GRID1: variants seen among roughly 807,000 people sequenced by gnomAD.
GRID1 encodes glutamate receptor ionotropic, delta-1.
GRID1 carries 28 observed loss-of-function variants against 98.0 expected under a neutral mutation model. The observed-to-expected ratio is 0.29, with a 90% CI of 0.21 to 0.39. The LOEUF (loss-of-function observed/expected upper bound fraction) is 0.39. Among genes scored for constraint, GRID1 ranks in the 10% least tolerant of loss-of-function variants. The pLI is 1.00. For synonymous variants in GRID1, 553 were observed against 538.5 expected, an observed-to-expected ratio of 1.03 and a Z score of -0.37; for missense variants, 1,111 against 1,340.5, an observed-to-expected ratio of 0.83 and a Z score of 2.67.
intron 4 of GRID1, among the ~76,000 whole-genome samples, chr10:86,107,126 G>C (rs921817776): frequency 6.6e-6 from 1 of 152,216 alleles, no homozygotes; most frequent in Non-Finnish European, 1.5e-5. Flanking sequence ...GCCCAGCCTG[G>C]AACCCAGATA....
chr10:86,195,282 T>C lies in GRID1; in HGVS notation c.520+11082A>G, dbSNP rs1845856600. On this transcript the variant is annotated intron_variant, in intron 3 of 15. Transcript: ENST00000327946. This position sits in a 1 kb window ranked among gnomAD's most constrained non-coding sequence, Gnocchi z 4.4. ...GTTGAGCTGGAATTGCCATCCATTC[T>C]GTCCTTCATGGTCTCCTGTAGAGAT... 6.6e-6 allele frequency among the ~76,000 whole-genome samples: 1 copy of C among 152,120 alleles called. No homozygotes were observed. The highest frequency in any genetic ancestry group is 1.5e-5 in the Non-Finnish European group (1 of 67,974).
intron 4 of GRID1, among the ~76,000 whole-genome samples, chr10:86,115,353 GA>G (rs1056099629): frequency 6.7e-6 from 1 of 149,998 alleles, no homozygotes; most frequent in African/African-American, 2.5e-5. Flanking sequence ...AACAATAGAT[GA>G]ATGAATGAAT....
At chr10:85,898,250 A>T (rs1841322753) in intron 5 of GRID1, among the ~76,000 whole-genome samples, 1 of 152,244 alleles carries the variant, frequency 6.6e-6, no homozygotes, top group African/African-American at 2.4e-5. Context: ...AAAATTGTAC[A>T]ACTGTATAGG....
chr10:86,304,430 G>A (rs933130166), intron 2 of GRID1, among the ~76,000 whole-genome samples: 3 of 152,228 alleles, frequency 2.0e-5, no homozygotes, highest in African/African-American at 7.2e-5. Context: ...CCCTGGCTCT[G>A]CTGCTGGGGT....
intron 12 of GRID1, among the ~76,000 whole-genome samples, chr10:85,720,632 A>G (rs1297055082): frequency 1.4e-5 from 2 of 143,976 alleles, no homozygotes; most frequent in Admixed American, 6.8e-5. Context: ...AAACAAACAG[A>G]CAAAAAAAAA....
chr10:86,067,258 A>T (rs557164701), intron 4 of GRID1, among the ~76,000 whole-genome samples: 5 of 152,284 alleles, frequency 3.3e-5, no homozygotes, highest in African/African-American at 1.2e-4. Flanking sequence ...CGCGCTCTGC[A>T]TGCACGCTGG....
chr10:86,062,037 T>C (rs927876917), intron 4 of GRID1, among the ~76,000 whole-genome samples: 11 of 152,168 alleles, frequency 7.2e-5, no homozygotes, highest in Non-Finnish European at 1.5e-4. Flanking sequence ...TGAGCGACAA[T>C]CCTGGCTTTC....
chr10:86,236,917 G>C (rs918682172), intron 2 of GRID1, among the ~76,000 whole-genome samples: 3 of 152,196 alleles, frequency 2.0e-5, no homozygotes, highest in East Asian at 1.9e-4. Flanking sequence ...CACTCTGGGG[G>C]CCAGGCCATG....
rs1199012853 is a variant in GRID1 at position 85,660,191 on chromosome 10, G to A, written c.1998-12794C>T. Among the ~76,000 whole-genome samples the A allele has an allele frequency of 3.9e-5, 6 of 152,240 alleles. No individual in the cohort carries two copies. The East Asian group carries it at 1.2e-3, about 29-fold the overall frequency. On this transcript the variant is annotated intron_variant, in intron 12 of 15. Transcript: ENST00000327946. ...TCTGCTGCAGGTGCCTGCAATGCCT[G>A]GGGGGCATCAATGGGAGCCCACCTA...
rs112189287 is a variant in GRID1 at position 85,887,903 on chromosome 10, C to T, written c.781-18723G>A. ...CCTTTGATGCCCATCAAAGACCTGC[C>T]TCTACCTGGCCTCCATGCAAGCCAG... On this transcript the variant is annotated intron_variant, in intron 5 of 15. Transcript: ENST00000327946. Among the ~76,000 whole-genome samples the T allele has an allele frequency of 5.8e-3, 879 of 152,264 alleles. 5 individuals are homozygous for T. Among genetic ancestry groups the T allele is most frequent in the African/African-American group, 0.02 (834 of 41,560 alleles).
chr10:86,261,700 CCAG>C (rs1470651146), intron 2 of GRID1, among the ~76,000 whole-genome samples: 1 of 152,166 alleles, frequency 6.6e-6, no homozygotes, highest in East Asian at 1.9e-4. Context: ...ATCCCAAAGG[CCAG>C]ATCCTGCTGG....
At chr10:86,040,751 T>C (rs966680024) in intron 4 of GRID1, among the ~76,000 whole-genome samples, 2 of 152,212 alleles carry the variant, frequency 1.3e-5, no homozygotes, top group African/African-American at 4.8e-5. Flanking sequence ...ATTTTGAATG[T>C]TCCCACAACA....
chr10:85,976,277 C>G (rs1445958122), intron 4 of GRID1, among the ~76,000 whole-genome samples: 1 of 152,220 alleles, frequency 6.6e-6, no homozygotes, highest in Non-Finnish European at 1.5e-5. Flanking sequence ...AGGCTGTGTT[C>G]TGCTGAGCAC....
chr10:85,657,210 C>A (rs58799550), intron 12 of GRID1, among the ~76,000 whole-genome samples: 1 of 152,114 alleles, frequency 6.6e-6, no homozygotes, highest in Non-Finnish European at 1.5e-5. Flanking sequence ...CACAGCACCC[C>A]TTACATTATA....
intron 8 of GRID1, among the ~76,000 whole-genome samples, chr10:85,806,671 A>C (rs540722122): frequency 6.6e-6 from 1 of 152,348 alleles, no homozygotes; most frequent in South Asian, 2.1e-4. Flanking sequence ...CAAAAACATT[A>C]GGCTAATTAA....
intron 4 of GRID1, among the ~76,000 whole-genome samples, chr10:85,923,193 C>T (rs1269550574): frequency 6.6e-6 from 1 of 152,070 alleles, no homozygotes; most frequent in Admixed American, 6.5e-5. Context: ...TCCTTGAAGT[C>T]CAAGGCCCCC....
intron 8 of GRID1, among the ~76,000 whole-genome samples, chr10:85,764,288 C>T (rs1046970612): frequency 3.3e-5 from 5 of 152,166 alleles, no homozygotes; most frequent in Admixed American, 2.6e-4. Flanking sequence ...GCACAGAATC[C>T]CCCCGAGGAG....
chr10:85,986,686 T>C (rs1246233974), intron 4 of GRID1, among the ~76,000 whole-genome samples: 1 of 152,194 alleles, frequency 6.6e-6, no homozygotes, highest in Non-Finnish European at 1.5e-5. Flanking sequence ...GTGCCCTGGC[T>C]GCCTGGTCAG....
intron 2 of GRID1, among the ~76,000 whole-genome samples, chr10:86,229,257 C>T (rs565833998): frequency 6.6e-6 from 1 of 152,042 alleles, no homozygotes; most frequent in African/African-American, 2.4e-5. Context: ...CACTGCCAGT[C>T]CCCCTCCTCC....
Sources: gnomAD v4.1 joint callset for allele counts (sites outside exome capture counted in the v4.1 genomes callset) on GRCh38, gnomAD v4.1.1 for gene constraint, Gnocchi (gnomAD v3.1) non-coding constraint, MANE v1.5 for transcripts, NCBI Gene and HGNC (gene_info 2026-07-23, HGNC 2026-07-21) for gene names.